Variants in CD320 observed in about 807,000 individuals in gnomAD.
CD320 encodes CD320 molecule.
A neutral mutation model predicts 22.1 loss-of-function variants in CD320; 16 were observed. That is an observed-to-expected ratio of 0.73 (90% CI 0.49 to 1.10). The LOEUF is 1.10. Among genes scored for constraint, CD320 ranks in the 50% least tolerant of loss-of-function variants. The pLI is 0.00. For synonymous variants in CD320, 188 were observed against 167.8 expected (o/e 1.12, Z -0.93); for missense variants, 388 against 376.9 (o/e 1.03, Z -0.24).
chr19:8,306,755 T>C (rs985607062), intron 1 of CD320, among the ~76,000 whole-genome samples: 28 of 152,184 alleles, frequency 1.8e-4, no homozygotes, highest in Non-Finnish European at 3.2e-4. Context: ...CCCCGGGAGA[T>C]CTGGCAGCCT....
rs1314256093 is a variant in CD320 at position 8,308,203 on chromosome 19, C to G, written c.88G>C (p.Gly30Arg). 8.9e-6 allele frequency: 14 copies of G among 1,570,150 alleles called. No homozygotes were observed. The African/African-American group carries it at 1.8e-4, about 20-fold the overall frequency. ...AGCGGGCTCGCGGCGGCCTCCAGGC[C>G]TAGTCCGAGGCCGAGCAGCAGCAGC... ...ALLLLLGLGL[G>R]LEAAASPLST... Residue 30 changes from glycine to arginine, a missense_variant, in exon 1 of 5, where the codon GGC becomes CGC. Physicochemically the swap from Gly to Arg is moderately radical, Grantham distance 125. Transcript: ENST00000301458.
chr19:8,303,114 CTTTTTT>C (rs909856646), intron 3 of CD320, 134 bp from the exon 4 acceptor site: 261 of 519,454 alleles, frequency 5.0e-4, no homozygotes, highest in Non-Finnish European at 5.9e-4. Context: ...GTAATTATGT[CTTTTTT>C]TTTTTTTTTT....
chr19:8,304,696 TTTC>T (rs1186221584), intron 2 of CD320: 3 of 249,444 alleles, frequency 1.2e-5, no homozygotes, highest in South Asian at 5.2e-5. Flanking sequence ...TTCTTTTTTT[TTTC>T]TTTTTCTTTT....
chr19:8,302,676 A>G (rs1047266420), intron 4 of CD320, 71 bp from the exon 5 acceptor site: 2 of 1,604,370 alleles, frequency 1.2e-6, no homozygotes, highest in African/African-American at 2.7e-5. Flanking sequence ...CAAGCTCCAT[A>G]CACATGGGGA....
Position 8,308,119 on chromosome 19 carries a change from T to C in CD320, c.142+30A>G, listed in dbSNP as rs939814644. On this transcript the variant is annotated intron_variant, in intron 1 of 4. Coordinates refer to ENST00000301458, the MANE Select transcript of CD320 (RefSeq NM_016579.4). ...CGGCGGGGCGAAGCCTCGCGAGGGGTGGGAGCCCGCGCTGCGGGGCGTCAC... is the reference window on the plus strand; with the variant it reads ...CGGCGGGGCGAAGCCTCGCGAGGGGCGGGAGCCCGCGCTGCGGGGCGTCAC... 4 of 1,466,078 alleles carry C rather than the reference T, an allele frequency of 2.7e-6. No individual in the cohort carries two copies. In the African/African-American group the frequency reaches 4.4e-5, roughly 16 times the overall value. The allele number at this position is 1,466,078 out of a possible 1,614,324, so 90.8% of individuals were successfully genotyped here.
intron 3 of CD320, 144 bp from the exon 4 acceptor site, chr19:8,303,124 T>C: frequency 1.4e-6 from 1 of 696,202 alleles, no homozygotes; most frequent in South Asian, 1.7e-5. Flanking sequence ...CTTTTTTTTT[T>C]TTTTTTTTTG....
chr19:8,303,114 C>A (rs1226747453), intron 3 of CD320, 134 bp from the exon 4 acceptor site: 28 of 520,018 alleles, frequency 5.4e-5, no homozygotes, highest in Non-Finnish European at 7.7e-5. Context: ...GTAATTATGT[C>A]TTTTTTTTTT....
Position 8,304,024 on chromosome 19 carries a change from G to A in CD320, c.333C>T (p.Thr111=), listed in dbSNP as rs540057476. Residue 111 remains threonine, a synonymous_variant, in exon 3 of 5, where the codon ACC becomes ACT. Transcript: ENST00000301458. ...PPPPGLPCPC[T]GVSDCSGGTD... ...TTCCCCCAGAGCAGTCACTGACGCC[G>A]GTGCAGGGGCAGGGGAGGCCAGGGG... 24 of 1,564,872 alleles carry A rather than the reference G, an allele frequency of 1.5e-5. No homozygotes were observed. Among genetic ancestry groups the A allele is most frequent in the Admixed American group, 1.3e-4 (7 of 52,374 alleles).
At position 8,308,292 on chromosome 19, in the gene CD320, C is replaced by T. The variant is rs2232773; in HGVS notation, c.-2G>A. On this transcript the variant is annotated 5_prime_UTR_variant, in exon 1 of 5. Coordinates refer to ENST00000301458, the MANE Select transcript of CD320 (RefSeq NM_016579.4). The stretch of plus-strand genomic sequence containing the variant: ...CTGCGCCATCCAACCGCCGCTCATG[C>T]TGTCCCCACAGCGGCGCCGGCCACG... 0.05 allele frequency: 79,834 copies of T among 1,586,820 alleles called. 4,748 individuals carry two copies. Among genetic ancestry groups the T allele is most frequent in the African/African-American group, 0.31 (22,745 of 74,416 alleles).
Position 8,305,054 on chromosome 19 carries a change from T to C in CD320, c.245A>G (p.Asp82Gly). The C allele has an allele frequency of 6.2e-7, 1 of 1,610,536 alleles. No homozygotes were observed. Among genetic ancestry groups the C allele is most frequent in the Non-Finnish European group, 8.5e-7 (1 of 1,179,912 alleles). The part of the protein sequence containing the change: ...WRCDRDLDCS[D>G]GSDEEECRIE... ...ACTGCACTCCTCCTCATCGCTGCCA[T>C]CGCTGCAGTCCAAGTCCCTGTCGCA... The change falls in exon 2 of 5, where the codon GAT becomes GGT. Residue 82 changes from aspartate to glycine, a missense_variant. By Grantham distance (94) the Asp-to-Gly change is moderately conservative. Transcript: ENST00000301458.
intron 1 of CD320, chr19:8,305,450 G>A (rs939498601): frequency 1.6e-5 from 6 of 366,630 alleles, no homozygotes; most frequent in Non-Finnish European, 2.1e-5. Flanking sequence ...GCTCACGCCT[G>A]TAATCTCAGC....
At chr19:8,305,300 C>T (rs1206399884) in intron 1 of CD320, 144 bp from the exon 2 acceptor site, 1 of 1,004,448 alleles carries the variant, frequency 1.0e-6, no homozygotes. Flanking sequence ...GTTACTGAGC[C>T]CCTAGTACGA....
Position 8,302,960 on chromosome 19 carries a change from C to T in CD320, c.523G>A (p.Glu175Lys). 6.2e-7 allele frequency: 1 copy of T among 1,613,978 alleles called. No homozygotes were observed. The highest frequency in any genetic ancestry group is 8.5e-7 in the Non-Finnish European group (1 of 1,179,968). The part of the protein sequence containing the change: ...LGCGTNEILP[E>K]GDATTMGPPV... ...GGCCCCATGGTTGTGGCATCCCCTT[C>T]CGGGAGGATCTCATTGGTTCCTGCA... The change falls in exon 4 of 5, where the codon GAA (glutamate) becomes AAA (lysine). Residue 175 changes from glutamate (E) to lysine (K), a missense_variant. Transcript: ENST00000301458.
At chr19:8,306,685 C>T (rs1454832385) in intron 1 of CD320, among the ~76,000 whole-genome samples, 1 of 152,240 alleles carries the variant, frequency 6.6e-6, no homozygotes, top group Non-Finnish European at 1.5e-5. Flanking sequence ...CCACAGGGTC[C>T]CTGAGCTCTA....
chr19:8,302,800 G>A lies in CD320; in HGVS notation c.683C>T (p.Ala228Val). 6.2e-7 allele frequency: 1 copy of A among 1,614,148 alleles called. No homozygotes were observed. Among genetic ancestry groups the A allele is most frequent in the Non-Finnish European group, 8.5e-7 (1 of 1,180,014 alleles). The change falls in exon 4 of 5, where the codon GCC becomes GTC. Residue 228 changes from alanine to valine, a missense_variant. By Grantham distance (64) the Ala-to-Val change is moderately conservative. Coordinates refer to ENST00000301458, the MANE Select transcript of CD320 (RefSeq NM_016579.4). ...ACCAGCAGCTGCAATAACCCCATAG[G>A]CAGTTGGGCTTCCAGACTGGTCTCC... is the stretch of plus-strand genomic sequence containing the variant. ...SAGDQSGSPT[A>V]YGVIAAAAVL...
chr19:8,305,835 T>TA (rs919205928), intron 1 of CD320: 1 of 152,392 alleles, frequency 6.6e-6, no homozygotes, highest in Admixed American at 6.5e-5. Flanking sequence ...ACTCAGTGGT[T>TA]AAAGAGACTG....
Position 8,302,917 on chromosome 19 carries a change from C to T in CD320, c.566G>A (p.Ser189Asn), listed in dbSNP as rs753363084. 3.1e-6 allele frequency: 5 copies of T among 1,613,908 alleles called. No individual in the cohort carries two copies. The East Asian group carries it at 8.9e-5, about 29-fold the overall frequency. Residue 189 changes from serine (S) to asparagine (N), a missense_variant, in exon 4 of 5, where the codon AGT becomes AAT. By Grantham distance (46) the Ser-to-Asn change is conservative. Coordinates refer to ENST00000301458, the MANE Select transcript of CD320 (RefSeq NM_016579.4). ...TGTGGCATTCCTGAGAGAGGTGACA[C>T]TCTCCAGGGTCACAGGGGGCCCCAT... ...TTMGPPVTLE[S>N]VTSLRNATTM...
At position 8,303,843 on chromosome 19, in the gene CD320, G is replaced by A. The variant is rs1220432244; in HGVS notation, c.502+12C>T. 3.2e-6 allele frequency: 5 copies of A among 1,566,094 alleles called. No individual in the cohort carries two copies. In the East Asian group the frequency reaches 7.0e-5, roughly 22 times the overall value. ...CTACCCACGAGTCCACCCCAGCCCCGCAGGTGCATACCACAGCCGAGCTCG... is the reference window on the plus strand; with the variant it reads ...CTACCCACGAGTCCACCCCAGCCCCACAGGTGCATACCACAGCCGAGCTCG... On this transcript the variant is annotated intron_variant, in intron 3 of 4. Coordinates refer to ENST00000301458, the MANE Select transcript of CD320 (RefSeq NM_016579.4).
chr19:8,305,420 G>T (rs1246940269), intron 1 of CD320: 2 of 420,922 alleles, frequency 4.8e-6, no homozygotes, highest in South Asian at 2.1e-5. Flanking sequence ...TACAGCTGGT[G>T]GCAGAGGCTG....
Sources: allele counts gnomAD v4.1 joint callset (sites outside exome capture counted in the v4.1 genomes callset), GRCh38; gene constraint gnomAD v4.1.1; transcripts MANE v1.5; gene names NCBI Gene and HGNC (gene_info 2026-07-23, HGNC 2026-07-21).